Variants in ATP8A2 observed in about 807,000 individuals in gnomAD.
The protein encoded by ATP8A2 is phospholipid-transporting ATPase IB.
ATP8A2 carries 100 observed loss-of-function variants against 165.6 expected under a neutral mutation model. The ratio of observed to expected loss-of-function variants is 0.60; its 90% confidence interval spans 0.51 to 0.71. ATP8A2 has a LOEUF of 0.71. Ranked by LOEUF, ATP8A2 falls within the 30% of genes least tolerant of loss-of-function variation. ATP8A2 has a pLI of 0.00. For missense variants in ATP8A2, 1,227 were observed against 1,479.5 expected (o/e 0.83, Z 2.80); for synonymous variants, 543 against 548.8 (o/e 0.99, Z 0.15).
chr13:25,864,823 A>G (rs983174583), intron 33 of ATP8A2, among the ~76,000 whole-genome samples: 7 of 152,144 alleles, frequency 4.6e-5, no homozygotes, highest in Non-Finnish European at 1.0e-4. Context: ...GTCTGAGTCT[A>G]AAGAACTGTG....
intron 26 of ATP8A2, among the ~76,000 whole-genome samples, chr13:25,774,418 G>T (rs555532689): frequency 6.6e-6 from 1 of 152,114 alleles, no homozygotes; most frequent in Admixed American, 6.5e-5. Context: ...GGGGAGGCAG[G>T]GGGAGGGAGG....
chr13:25,518,386 A>C (rs1353752419), intron 2 of ATP8A2, among the ~76,000 whole-genome samples: 4 of 152,230 alleles, frequency 2.6e-5, no homozygotes, highest in African/African-American at 9.6e-5. Context: ...TTATTCTTTC[A>C]GTAAATATTG....
At chr13:25,549,950 C>G (rs1488442196) in intron 10 of ATP8A2, among the ~76,000 whole-genome samples, 1 of 152,074 alleles carries the variant, frequency 6.6e-6, no homozygotes, top group Admixed American at 6.6e-5. Context: ...ATAATCTCTC[C>G]CTGTCTCACA....
intron 27 of ATP8A2, among the ~76,000 whole-genome samples, chr13:25,788,870 C>T (rs2045097867): frequency 6.6e-6 from 1 of 152,166 alleles, no homozygotes; most frequent in South Asian, 2.1e-4. Context: ...TCTGTGGCCT[C>T]ATCTTCTCCC....
intron 2 of ATP8A2, among the ~76,000 whole-genome samples, chr13:25,525,284 G>A (rs12431320): frequency 0.075 from 11,365 of 151,952 alleles, 620 homozygotes; most frequent in African/African-American, 0.15. Context: ...ATGTGTTTTC[G>A]TTTTTGATAG....
intron 27 of ATP8A2, among the ~76,000 whole-genome samples, chr13:25,825,409 CT>C (rs1274341557): frequency 6.6e-6 from 1 of 151,792 alleles, no homozygotes; most frequent in African/African-American, 2.4e-5. Context: ...TTCTCTCCCC[CT>C]GGCCTCCCAA....
Position 25,851,985 on chromosome 13 carries a change from G to A in ATP8A2, c.2957-8210G>A, listed in dbSNP as rs535076481. Among the ~76,000 whole-genome samples, 13 of 152,268 alleles carry A rather than the reference G, an allele frequency of 8.5e-5. 1 individual carries two copies. The highest frequency in any genetic ancestry group is 8.3e-4 in the South Asian group (4 of 4,824). On this transcript the variant is annotated intron_variant, in intron 30 of 36. Coordinates refer to ENST00000381655, the MANE Select transcript of ATP8A2 (RefSeq NM_016529.6). Reference sequence around the variant, plus strand: ...AGTTTCCTGAGTAGCTGGGATAACAGGCACACACCACCATGCCTGGCTTCT... The same window carrying A: ...AGTTTCCTGAGTAGCTGGGATAACAAGCACACACCACCATGCCTGGCTTCT...
rs1171835963 is a variant in ATP8A2, at chr13:25,828,127, G to A, written c.2689G>A (p.Ala897Thr). The change falls in exon 28 of 37, where the codon GCC (alanine) becomes ACC (threonine). Residue 897 changes from alanine (A) to threonine (T), a missense_variant. Transcript: ENST00000381655. ...VVLYIIELWF[A>T]FVNGFSGQIL... is the part of the protein sequence containing the mutation. ...CTTTCTTCTCTTTCAGCTTTGGTTC[G>A]CCTTTGTTAATGGATTTTCTGGGCA... is the stretch of plus-strand genomic sequence containing the variant. The A allele has an allele frequency of 6.2e-6, 10 of 1,613,682 alleles. No individual in the cohort carries two copies. Among genetic ancestry groups the A allele is most frequent in the Admixed American group, 3.3e-5 (2 of 59,982 alleles).
intron 30 of ATP8A2, among the ~76,000 whole-genome samples, chr13:25,852,279 G>A (rs992355723): frequency 6.6e-6 from 1 of 152,086 alleles, no homozygotes; most frequent in East Asian, 1.9e-4. Context: ...GGCATCTAGC[G>A]GGTGGAAGCC....
chr13:25,387,211 A>C (rs987695153), intron 1 of ATP8A2, among the ~76,000 whole-genome samples: 10 of 152,202 alleles, frequency 6.6e-5, no homozygotes, highest in Non-Finnish European at 1.2e-4. Flanking sequence ...GTGAGCAGCC[A>C]TGAGCCTCAA....
intron 24 of ATP8A2, among the ~76,000 whole-genome samples, chr13:25,638,334 A>G (rs1347476013): frequency 6.6e-6 from 1 of 152,236 alleles, no homozygotes; most frequent in Non-Finnish European, 1.5e-5. Context: ...GTTTGAACCC[A>G]TCGCACAGAA....
chr13:25,409,810 T>C (rs2033913775), intron 1 of ATP8A2, among the ~76,000 whole-genome samples: 2 of 152,060 alleles, frequency 1.3e-5, no homozygotes, highest in South Asian at 4.1e-4. Context: ...TAGTCGTGGT[T>C]AGGGTATAGT....
At chr13:25,967,930 T>C (rs1018680588) in intron 34 of ATP8A2, among the ~76,000 whole-genome samples, 5 of 152,194 alleles carry the variant, frequency 3.3e-5, no homozygotes, top group African/African-American at 1.2e-4. Flanking sequence ...ATTTCATAAG[T>C]TGTATTAATG....
chr13:25,667,509 A>G (rs895963234), intron 24 of ATP8A2, among the ~76,000 whole-genome samples: 10 of 152,114 alleles, frequency 6.6e-5, no homozygotes, highest in Admixed American at 5.2e-4. Context: ...CTTTTTGCAC[A>G]TATCTGTTTC....
chr13:25,613,395 G>A (rs1432158389), intron 24 of ATP8A2, among the ~76,000 whole-genome samples: 1 of 152,138 alleles, frequency 6.6e-6, no homozygotes, highest in East Asian at 1.9e-4. Context: ...CCAACATGGT[G>A]AAACCTCGTC....
chr13:25,749,576 G>A (rs1053417767), intron 25 of ATP8A2, among the ~76,000 whole-genome samples: 11 of 152,140 alleles, frequency 7.2e-5, no homozygotes, highest in Non-Finnish European at 7.3e-5. Context: ...GCTGTGCTCG[G>A]TGGGGGCAGT....
intron 33 of ATP8A2, among the ~76,000 whole-genome samples, chr13:25,917,957 G>C (rs1954318364): frequency 6.6e-6 from 1 of 152,124 alleles, no homozygotes; most frequent in Non-Finnish European, 1.5e-5. Context: ...ATACATTTTT[G>C]TTCTTTGAAT....
At position 25,446,323 on chromosome 13, in the gene ATP8A2, C is replaced by T. The variant is rs1270196886; in HGVS notation, c.77-22654C>T. Among the ~76,000 whole-genome samples the T allele has an allele frequency of 2.6e-5, 4 of 152,278 alleles. No individual in the cohort carries two copies. In the East Asian group the frequency reaches 7.7e-4, roughly 29 times the overall value. On this transcript the variant is annotated intron_variant, in intron 1 of 36. Transcript: ENST00000381655. ...ATTTATGTTTACCACTTATCTTTCA[C>T]CTAGCCCCCTCTTCCCCAAATGAGC...
intron 33 of ATP8A2, among the ~76,000 whole-genome samples, chr13:25,877,183 GAC>G (rs1952840285): frequency 6.6e-6 from 1 of 152,150 alleles, no homozygotes; most frequent in Admixed American, 6.5e-5. Context: ...TCATCTTAGT[GAC>G]AGATTGCCAC....
Sources: gnomAD v4.1 joint callset for allele counts (sites outside exome capture counted in the v4.1 genomes callset) on GRCh38, gnomAD v4.1.1 for gene constraint, MANE v1.5 for transcripts, NCBI Gene and HGNC (gene_info 2026-07-23, HGNC 2026-07-21) for gene names.